Variants in TAF5L observed in about 807,000 individuals in gnomAD.
The protein encoded by TAF5L is TATA-box binding protein associated factor 5 like.
TAF5L carries 7 observed loss-of-function variants against 51.3 expected under a neutral mutation model. That is an observed-to-expected ratio of 0.14 (90% CI 0.08 to 0.26). The LOEUF is 0.26. TAF5L is among the 10% of genes least tolerant of loss of function. The probability of loss-of-function intolerance (pLI) is 1.00; values close to 1 mark genes in which losing one functional copy is unlikely to be tolerated. For missense variants in TAF5L, 575 were observed against 758.9 expected (o/e 0.76, Z 2.85); for synonymous variants, 291 against 308.1 (o/e 0.94, Z 0.58).
In TAF5L at chr1:229,605,273, A is replaced by C. The variant is rs1015923132; in HGVS notation, c.248-2354T>G. Among the ~76,000 whole-genome samples the C allele has an allele frequency of 5.3e-5, 8 of 152,132 alleles. 1 individual carries two copies. The South Asian group carries it at 1.7e-3, about 31-fold the overall frequency. ...TGTGCCTGGCCAGATTACTGACTCC[A>C]TATCATAGTATTTAAGTATTGTTAA... On this transcript the variant is annotated intron_variant, in intron 3 of 4. Transcript: ENST00000258281.
At chr1:229,610,501 G>A (rs1211221174) in intron 2 of TAF5L, among the ~76,000 whole-genome samples, 3 of 152,206 alleles carry the variant, frequency 2.0e-5, no homozygotes, top group Admixed American at 2.0e-4. Flanking sequence ...AGATTCATCA[G>A]GAAATGTTTG....
intron 2 of TAF5L, 31 bp downstream of exon 2, chr1:229,614,310 C>A (rs1664894894): frequency 6.2e-7 from 1 of 1,614,236 alleles, no homozygotes. Context: ...CTGCTCCAGG[C>A]TCACCCCACC....
chr1:229,623,064 G>A (rs1276885889), intron 1 of TAF5L, among the ~76,000 whole-genome samples: 1 of 152,176 alleles, frequency 6.6e-6, no homozygotes, highest in African/African-American at 2.4e-5. Flanking sequence ...ATCACCCGAG[G>A]TCAGGAGTTC....
intron 2 of TAF5L, among the ~76,000 whole-genome samples, chr1:229,613,968 G>A (rs1162681373): frequency 6.6e-6 from 1 of 152,222 alleles, no homozygotes. Flanking sequence ...CATGCTGGAG[G>A]AGAGGGGACC....
At chr1:229,593,616 C>T (rs1175255351) in exon 5 of TAF5L, 1 of 152,046 alleles carries the variant, frequency 6.6e-6, no homozygotes, top group Non-Finnish European at 1.5e-5. Context: ...ATACACTGTG[C>T]TACCAAATTC....
At chr1:229,610,378 G>T (rs1232040585) in intron 2 of TAF5L, among the ~76,000 whole-genome samples, 168 bp from the exon 3 acceptor site, 1 of 152,234 alleles carries the variant, frequency 6.6e-6, no homozygotes, top group Non-Finnish European at 1.5e-5. Flanking sequence ...ACAGACTGAT[G>T]ACACTTGTTT....
intron 3 of TAF5L, among the ~76,000 whole-genome samples, chr1:229,605,961 T>A (rs1396071612): frequency 3.9e-5 from 6 of 152,242 alleles, no homozygotes; most frequent in Admixed American, 1.3e-4. Context: ...TTTTGGTTTT[T>A]CTTTTCCCTT....
At chr1:229,624,922 G>A (rs1015608454) in intron 1 of TAF5L, among the ~76,000 whole-genome samples, 5 of 152,182 alleles carry the variant, frequency 3.3e-5, no homozygotes, top group Admixed American at 3.3e-4. Flanking sequence ...TATAAGACAC[G>A]CTCCGCACTT....
intron 3 of TAF5L, chr1:229,607,361 A>G (rs974301990): frequency 3.0e-6 from 3 of 985,298 alleles, no homozygotes; most frequent in African/African-American, 3.5e-5. Flanking sequence ...CCTCTTACAA[A>G]TAATTTTACA....
At chr1:229,623,150 TGTA>T (rs1047918830) in intron 1 of TAF5L, among the ~76,000 whole-genome samples, 6 of 152,182 alleles carry the variant, frequency 3.9e-5, no homozygotes, top group Non-Finnish European at 7.3e-5. Flanking sequence ...GGTGCATGCC[TGTA>T]GTCCCAGGTA....
rs1664397852 is a variant in TAF5L at position 229,602,105 on chromosome 1, A to G, written c.972+90T>C. The G allele has an allele frequency of 6.5e-7, 1 of 1,531,018 alleles. No homozygotes were observed. The highest frequency in any genetic ancestry group is 2.1e-5 in the Admixed American group (1 of 48,152). 94.8% of individuals were successfully genotyped at this position (1,531,018 alleles called of 1,614,324 possible). On this transcript the variant is annotated intron_variant, in intron 4 of 4. Coordinates refer to ENST00000258281, the Ensembl canonical transcript of TAF5L. The surrounding 1 kb of genome is among the most constrained non-coding windows in gnomAD (Gnocchi z 4.6). ...TAGCTATATGATGAGGGAAACTAGG[A>G]AGTCCATTCTAAGATATGTCGTGTT...
intron 4 of TAF5L, among the ~76,000 whole-genome samples, chr1:229,596,433 G>A (rs1196181899): frequency 6.6e-6 from 1 of 152,150 alleles, no homozygotes. Context: ...GCCACAAACT[G>A]CTTAGTGTTT....
chr1:229,606,759 C>A, intron 3 of TAF5L: 1 of 985,394 alleles, frequency 1.0e-6, no homozygotes, highest in Non-Finnish European at 1.2e-6. Flanking sequence ...CACAGCTGGC[C>A]CTGGTTCAAA....
At chr1:229,614,037 T>C (rs1571848707) in intron 2 of TAF5L, 2 of 603,256 alleles carry the variant, frequency 3.3e-6, no homozygotes, top group East Asian at 2.8e-5. Context: ...GTTAATTGTT[T>C]ACAGAAGGAA....
chr1:229,621,547 A>T (rs1425337579), intron 1 of TAF5L, among the ~76,000 whole-genome samples: 1 of 152,248 alleles, frequency 6.6e-6, no homozygotes, highest in Non-Finnish European at 1.5e-5. Context: ...ATAGGAAGGA[A>T]AAAGACAATT....
At chr1:229,623,969 T>C (rs1003887657) in intron 1 of TAF5L, among the ~76,000 whole-genome samples, 1 of 152,172 alleles carries the variant, frequency 6.6e-6, no homozygotes, top group Non-Finnish European at 1.5e-5. Context: ...ATCAGAACAC[T>C]TACTACCTGA....
chr1:229,614,549 T>C lies in TAF5L; in HGVS notation c.-3-64A>G, dbSNP rs1390472971. 3.1e-6 allele frequency: 5 copies of C among 1,588,428 alleles called. No individual in the cohort carries two copies. In the East Asian group the frequency reaches 1.1e-4, roughly 36 times the overall value. ...GGCCTGGGAGAGCAACCTATCTAAC[T>C]GCACCATCGCAGATGGGTAGGACAC... On this transcript the variant is annotated intron_variant, in intron 1 of 4. Transcript: ENST00000258281.
At chr1:229,610,509 T>A (rs1664749644) in intron 2 of TAF5L, among the ~76,000 whole-genome samples, 1 of 152,226 alleles carries the variant, frequency 6.6e-6, no homozygotes. Context: ...CAGGAAATGT[T>A]TGATCCTATG....
intron 1 of TAF5L, among the ~76,000 whole-genome samples, chr1:229,618,545 T>G (rs1558154427): frequency 6.6e-6 from 1 of 152,224 alleles, no homozygotes; most frequent in Non-Finnish European, 1.5e-5. Flanking sequence ...TGCCAGATAC[T>G]TCAACCAAGT....
Sources: allele counts gnomAD v4.1 joint callset (sites outside exome capture counted in the v4.1 genomes callset), GRCh38; gene constraint gnomAD v4.1.1; non-coding constraint Gnocchi (gnomAD v3.1); transcripts MANE v1.5; gene names NCBI Gene and HGNC (gene_info 2026-07-23, HGNC 2026-07-21).